Variants in TIA1 observed in about 807,000 individuals in gnomAD.
TIA1 encodes TIA1 cytotoxic granule associated RNA binding protein, also known as cytotoxic granule associated RNA binding protein TIA1.
TIA1 carries 23 observed loss-of-function variants against 65.9 expected under a neutral mutation model. The observed-to-expected ratio is 0.35, with a 90% CI of 0.25 to 0.49. The LOEUF is 0.49. Among genes scored for constraint, TIA1 ranks in the 20% least tolerant of loss-of-function variants. TIA1 has a pLI of 0.98. For missense variants in TIA1, 371 were observed against 477.9 expected, an observed-to-expected ratio of 0.78 and a Z score of 2.09; for synonymous variants, 147 against 149.4, an observed-to-expected ratio of 0.98 and a Z score of 0.12.
At position 70,212,087 on chromosome 2, in the gene TIA1, AC is replaced by A. The variant is rs1422388091; in HGVS notation, c.*631del. On this transcript the variant is annotated 3_prime_UTR_variant, in exon 13 of 13. Coordinates refer to ENST00000433529, the MANE Select transcript of TIA1 (RefSeq NM_022173.4). ...TGAGAAAAGTTTTCAATCTAAATGA[AC>A]ATCATTTTTTCCATTTAAGTATATT... The A allele has an allele frequency of 1.3e-5, 2 of 152,624 alleles. No individual in the cohort carries two copies. Among genetic ancestry groups the A allele is most frequent in the Non-Finnish European group, 2.9e-5 (2 of 68,038 alleles). The allele number at this position is 152,624 out of a possible 1,614,324, so 9.5% of individuals were successfully genotyped here.
At position 70,215,468 on chromosome 2, in the gene TIA1, T is replaced by C. The variant is rs1678163209; in HGVS notation, c.791A>G (p.His264Arg). 6.2e-7 allele frequency: 1 copy of C among 1,613,632 alleles called. No individual in the cohort carries two copies. Among genetic ancestry groups the C allele is most frequent in the Non-Finnish European group, 8.5e-7 (1 of 1,179,650 alleles). Residue 264 changes from histidine (H) to arginine (R), a missense_variant, in exon 11 of 13, where the codon CAT becomes CGT. Physicochemically the swap from His to Arg is conservative, Grantham distance 29 (BLOSUM62 0). Transcript: ENST00000433529. ...VRFNSHESAA[H>R]AIVSVNGTTI... ...AGTACCATTAACAGAAACAATTGCA[T>C]GTGCTGCACTTTCATGGGAATTGAA... is the stretch of plus-strand genomic sequence containing the variant.
intron 1 of TIA1, among the ~76,000 whole-genome samples, chr2:70,241,212 C>T (rs777411214): frequency 1.3e-5 from 2 of 151,804 alleles, no homozygotes; most frequent in Non-Finnish European, 2.9e-5. Flanking sequence ...TTTGGGAGAC[C>T]GAGGCGGATC....
chr2:70,232,208 C>CAAAAAAAAAAAAAA (rs11427986), intron 2 of TIA1, among the ~76,000 whole-genome samples: 6 of 63,764 alleles, frequency 9.4e-5, no homozygotes, highest in Admixed American at 4.0e-4. Context: ...GACTCTGTCT[C>CAAAAAAAAAAAAAA]AAAAAAAAAA....
chr2:70,215,040 T>A (rs1677995429), intron 11 of TIA1: 1 of 228,904 alleles, frequency 4.4e-6, no homozygotes, highest in Non-Finnish European at 8.4e-6. Context: ...AGCTTTATTT[T>A]TGTTTCAGTT....
chr2:70,248,342 G>A (rs897888653), intron 1 of TIA1, 63 bp downstream of exon 1: 6 of 1,569,642 alleles, frequency 3.8e-6, no homozygotes, highest in African/African-American at 1.3e-5. Flanking sequence ...AGCGGCGCAG[G>A]GCCGAGGCCT....
At chr2:70,219,309 G>C (rs1680151731) in intron 7 of TIA1, among the ~76,000 whole-genome samples, 1 of 152,124 alleles carries the variant, frequency 6.6e-6, no homozygotes, top group Non-Finnish European at 1.5e-5. Context: ...GAAAACAGAG[G>C]TTAAGAGGTG....
chr2:70,230,411 G>C (rs556228973), intron 3 of TIA1, among the ~76,000 whole-genome samples: 2 of 152,008 alleles, frequency 1.3e-5, no homozygotes, highest in Non-Finnish European at 2.9e-5. Context: ...AACACTTTGC[G>C]AAGCCGAGGC....
chr2:70,225,122 C>A, intron 6 of TIA1: 1 of 1,019,342 alleles, frequency 9.8e-7, no homozygotes, highest in Non-Finnish European at 1.2e-6. Flanking sequence ...TCAATTTATA[C>A]CCCCCTTTTT....
intron 7 of TIA1, among the ~76,000 whole-genome samples, chr2:70,217,526 T>C (rs950826551): frequency 6.6e-6 from 1 of 152,116 alleles, no homozygotes; most frequent in African/African-American, 2.4e-5. Flanking sequence ...GCCTCCCAAG[T>C]AGCTGGGACT....
In TIA1 at chr2:70,215,454, C is replaced by T. The variant is rs1678158814; in HGVS notation, c.805G>A (p.Val269Ile). ...HESAAHAIVS[V>I]NGTTIEGHVV... ...TGACCTTCAATGGTAGTACCATTAA[C>T]AGAAACAATTGCATGTGCTGCACTT... The change falls in exon 11 of 13, where the codon GTT becomes ATT. Residue 269 changes from valine (V) to isoleucine (I), a missense_variant. By Grantham distance (29) the Val-to-Ile change is conservative. Coordinates refer to ENST00000433529, the MANE Select transcript of TIA1 (RefSeq NM_022173.4). 1 of 1,613,260 alleles carries T rather than the reference C, an allele frequency of 6.2e-7. No individual in the cohort carries two copies. Among genetic ancestry groups the T allele is most frequent in the Admixed American group, 1.7e-5 (1 of 60,014 alleles).
chr2:70,227,874 T>C (rs1312348092), intron 5 of TIA1, 52 bp from the exon 6 acceptor site: 4 of 1,205,300 alleles, frequency 3.3e-6, no homozygotes, highest in Non-Finnish European at 4.8e-6. Flanking sequence ...CTTTAGAATT[T>C]AAAAAGTACT....
At position 70,217,095 on chromosome 2, in the gene TIA1, A is replaced by C. The variant is rs1438432362; in HGVS notation, c.475-101T>G. The C allele has an allele frequency of 1.2e-5, 15 of 1,211,906 alleles. No individual in the cohort carries two copies. The East Asian group carries it at 3.7e-4, about 30-fold the overall frequency. 75.1% of individuals were successfully genotyped at this position (1,211,906 alleles called of 1,614,324 possible). A position where few individuals can be genotyped will look rare whatever the true frequency, so the allele number is the denominator to read the frequency against. On this transcript the variant is annotated intron_variant, in intron 7 of 12. Coordinates refer to ENST00000433529, the MANE Select transcript of TIA1 (RefSeq NM_022173.4). ...ACTTGGTGCTTTTCACAAATGTTTA[A>C]GTGAAAATGCTCTATGAAATACACA...
intron 2 of TIA1, among the ~76,000 whole-genome samples, chr2:70,232,208 C>CAAAAAAAA (rs11427986): frequency 2.5e-4 from 16 of 63,726 alleles, no homozygotes; most frequent in South Asian, 5.6e-4. Context: ...GACTCTGTCT[C>CAAAAAAAA]AAAAAAAAAA....
intron 1 of TIA1, among the ~76,000 whole-genome samples, chr2:70,243,973 C>A (rs1343562773): frequency 6.6e-6 from 1 of 152,168 alleles, no homozygotes. Flanking sequence ...TGCGTGAAAC[C>A]CACTTACAGC....
chr2:70,213,657 CT>C (rs199690023), intron 12 of TIA1, among the ~76,000 whole-genome samples: 9,311 of 140,268 alleles, frequency 0.066, 334 homozygotes, highest in East Asian at 0.19. Flanking sequence ...CCACAAAATC[CT>C]TTTTTTTTTT....
chr2:70,246,130 G>A (rs1694198594), intron 1 of TIA1, among the ~76,000 whole-genome samples: 1 of 152,070 alleles, frequency 6.6e-6, no homozygotes, highest in Admixed American at 6.6e-5. Context: ...CGCCATGTTG[G>A]CCAGGCTGGT....
In TIA1 at chr2:70,227,753, G is replaced by C; in HGVS notation, c.380C>G (p.Ala127Gly). 6.3e-7 allele frequency: 1 copy of C among 1,593,624 alleles called. No homozygotes were observed. The highest frequency in any genetic ancestry group is 8.6e-7 in the Non-Finnish European group (1 of 1,167,464). Residue 127 changes from alanine to glycine, a missense_variant, in exon 6 of 13, where the codon GCA becomes GGA. Transcript: ENST00000433529. ...ITTEDIKAAF[A>G]PFGRISDARV... is the part of the protein sequence containing the mutation. ...TACTTACGATATTCTTCCAAATGGT[G>C]CAAAAGCAGCTTTTATATCTTCAGT...
intron 1 of TIA1, among the ~76,000 whole-genome samples, chr2:70,240,560 A>G (rs1485522170): frequency 2.6e-5 from 4 of 152,194 alleles, no homozygotes; most frequent in Non-Finnish European, 5.9e-5. Context: ...CTCATTTCTA[A>G]GATATAAATA....
intron 5 of TIA1, chr2:70,228,693 TA>T: frequency 5.1e-6 from 5 of 985,340 alleles, no homozygotes; most frequent in Non-Finnish European, 6.0e-6. Context: ...TGACAGGCCT[TA>T]AACAACATTT....
Sources: allele counts gnomAD v4.1 joint callset (sites outside exome capture counted in the v4.1 genomes callset), GRCh38; gene constraint gnomAD v4.1.1; transcripts MANE v1.5; gene names NCBI Gene and HGNC (gene_info 2026-07-23, HGNC 2026-07-21).